Variants in CDH4 observed in about 807,000 individuals in gnomAD.
CDH4 encodes cadherin-4.
Under a neutral mutation model 86.0 loss-of-function variants are expected in CDH4, and 33 were observed. The observed-to-expected ratio is 0.38, with a 90% confidence interval of 0.29 to 0.51. The LOEUF (loss-of-function observed/expected upper bound fraction) is 0.51. Ranked by LOEUF, CDH4 falls within the 20% of genes least tolerant of loss-of-function variation. The probability of loss-of-function intolerance (pLI) is 0.86; values close to 1 mark genes in which losing one functional copy is unlikely to be tolerated. For missense variants in CDH4, 1,114 were observed against 1,307.4 expected, an observed-to-expected ratio of 0.85 and a Z score of 2.28; for synonymous variants, 555 against 549.4, an observed-to-expected ratio of 1.01 and a Z score of -0.14.
intron 2 of CDH4, among the ~76,000 whole-genome samples, chr20:61,418,641 A>G (rs2085160541): frequency 6.6e-6 from 1 of 152,140 alleles, no homozygotes; most frequent in Non-Finnish European, 1.5e-5. Context: ...TGGAGGAGTT[A>G]GTGTCCTGGA....
At chr20:61,599,493 C>G (rs1229611754) in intron 2 of CDH4, among the ~76,000 whole-genome samples, 1 of 152,264 alleles carries the variant, frequency 6.6e-6, no homozygotes, top group Non-Finnish European at 1.5e-5. Flanking sequence ...CCTGACCCCC[C>G]TGACCCCACT....
chr20:61,297,280 G>A (rs2084360519), intron 2 of CDH4, among the ~76,000 whole-genome samples: 1 of 152,192 alleles, frequency 6.6e-6, no homozygotes, highest in South Asian at 2.1e-4. Flanking sequence ...CAGCTACTCG[G>A]GAGGCTGAGG....
chr20:61,440,304 A>C (rs1387267583), intron 2 of CDH4, among the ~76,000 whole-genome samples: 3 of 152,198 alleles, frequency 2.0e-5, no homozygotes, highest in Non-Finnish European at 4.4e-5. Flanking sequence ...TCAGGATATT[A>C]GTAACATTCT....
intron 7 of CDH4, among the ~76,000 whole-genome samples, chr20:61,880,731 C>T (rs747521290): frequency 1.6e-4 from 24 of 152,204 alleles, no homozygotes; most frequent in Middle Eastern, 6.3e-3. Flanking sequence ...GAGGTTTGGG[C>T]GCGGTCCCCA....
At chr20:61,487,546 A>G (rs369975173) in intron 2 of CDH4, among the ~76,000 whole-genome samples, 3 of 152,224 alleles carry the variant, frequency 2.0e-5, no homozygotes, top group Non-Finnish European at 4.4e-5. Flanking sequence ...TTGTGTCTCA[A>G]CTTGCCCTTT....
At chr20:61,262,496 G>A (rs756605651) in intron 2 of CDH4, among the ~76,000 whole-genome samples, 71 of 152,178 alleles carry the variant, frequency 4.7e-4, no homozygotes, top group South Asian at 2.1e-4. Context: ...CTGGGACTGC[G>A]TGGCGACTGG....
intron 2 of CDH4, among the ~76,000 whole-genome samples, chr20:61,603,524 G>T (rs959602149): frequency 4.6e-5 from 7 of 152,212 alleles, no homozygotes; most frequent in African/African-American, 1.7e-4. Context: ...TGGAGGCCAG[G>T]TGTGCCCTAC....
intron 2 of CDH4, among the ~76,000 whole-genome samples, chr20:61,281,395 G>T (rs370087019): frequency 3.2e-4 from 49 of 152,322 alleles, no homozygotes; most frequent in African/African-American, 1.1e-3. Context: ...AGACACAGCA[G>T]GAAGGCACCA....
rs369392322 is a variant in CDH4, at chr20:61,504,854, C to T, written c.170-238709C>T. On this transcript the variant is annotated intron_variant, in intron 2 of 15. Transcript: ENST00000614565. Reference sequence around the variant, plus strand: ...AAAGCACACGCTCCGCTTCCATACCCGTACACGCGTCCTCATCACCTTCAC... The same window carrying T: ...AAAGCACACGCTCCGCTTCCATACCTGTACACGCGTCCTCATCACCTTCAC... 3.9e-5 allele frequency among the ~76,000 whole-genome samples: 6 copies of T among 152,346 alleles called. No homozygotes were observed. The East Asian group carries it at 9.6e-4, about 24-fold the overall frequency.
rs1051827309 is a variant in CDH4 at position 61,321,409 on chromosome 20, T to A, written c.169+66472T>A. 1.1e-4 allele frequency among the ~76,000 whole-genome samples: 16 copies of A among 152,252 alleles called. No individual in the cohort carries two copies. The South Asian group carries it at 1.7e-3, about 16-fold the overall frequency. On this transcript the variant is annotated intron_variant, in intron 2 of 15. Transcript: ENST00000614565. ...TGCTTTTTTGCTGGAAATTTTTTTT[T>A]AATTTTTGATGTCTTAAAAAATATA... is the stretch of plus-strand genomic sequence containing the variant.
At position 61,867,128 on chromosome 20, in the gene CDH4, G is replaced by A. The variant is rs890123576; in HGVS notation, c.878-6600G>A. Among the ~76,000 whole-genome samples the A allele has an allele frequency of 5.9e-5, 9 of 152,242 alleles. No homozygotes were observed. The South Asian group carries it at 6.2e-4, about 11-fold the overall frequency. On this transcript the variant is annotated intron_variant, in intron 6 of 15. Coordinates refer to ENST00000614565, the MANE Select transcript of CDH4 (RefSeq NM_001794.5). ...ACACACAGCTGTTTCCAGAACACTCGCTCTGGGCGCATGCATGTTTGACTC... is the reference window on the plus strand; with the variant it reads ...ACACACAGCTGTTTCCAGAACACTCACTCTGGGCGCATGCATGTTTGACTC...
chr20:61,521,339 C>T (rs753582852), intron 2 of CDH4, among the ~76,000 whole-genome samples: 15 of 152,164 alleles, frequency 9.9e-5, no homozygotes, highest in Non-Finnish European at 1.9e-4. Flanking sequence ...TCCAAAGCTC[C>T]ATCAAATGCA....
chr20:61,409,133 CCAT>C (rs1408479682), intron 2 of CDH4, among the ~76,000 whole-genome samples: 1 of 152,252 alleles, frequency 6.6e-6, no homozygotes, highest in Non-Finnish European at 1.5e-5. Context: ...ACCGGCCACT[CCAT>C]CACGTGGTGG....
At chr20:61,634,715 C>T (rs1223851876) in intron 2 of CDH4, among the ~76,000 whole-genome samples, 1 of 152,216 alleles carries the variant, frequency 6.6e-6, no homozygotes, top group African/African-American at 2.4e-5. Context: ...CAGAGCTCTG[C>T]GGCGTTAGTG....
intron 2 of CDH4, among the ~76,000 whole-genome samples, chr20:61,691,373 G>A (rs567044100): frequency 2.6e-5 from 4 of 152,120 alleles, no homozygotes; most frequent in Admixed American, 2.6e-4. Flanking sequence ...ATGTGCATAT[G>A]TGTGTGTATT....
At chr20:61,769,434 C>G (rs1298602692) in intron 3 of CDH4, among the ~76,000 whole-genome samples, 1 of 152,202 alleles carries the variant, frequency 6.6e-6, no homozygotes, top group Non-Finnish European at 1.5e-5. Context: ...CTGAGACCCC[C>G]TTTTCCCTTG....
At chr20:61,627,105 C>T (rs1478802422) in intron 2 of CDH4, among the ~76,000 whole-genome samples, 1 of 152,002 alleles carries the variant, frequency 6.6e-6, no homozygotes, top group Non-Finnish European at 1.5e-5. Context: ...GGCCTATCAG[C>T]TCAGCGGCTT....
At chr20:61,549,603 C>T (rs2086112650) in intron 2 of CDH4, among the ~76,000 whole-genome samples, 1 of 152,290 alleles carries the variant, frequency 6.6e-6, no homozygotes. Flanking sequence ...CATGAGGGCT[C>T]GCAGCCTCTT....
chr20:61,553,288 A>G (rs2086148317), intron 2 of CDH4, among the ~76,000 whole-genome samples: 1 of 152,234 alleles, frequency 6.6e-6, no homozygotes, highest in Non-Finnish European at 1.5e-5. Flanking sequence ...GGAGAAGGGG[A>G]AAATGGACAG....
Sources: allele counts gnomAD v4.1 joint callset (sites outside exome capture counted in the v4.1 genomes callset), GRCh38; gene constraint gnomAD v4.1.1; transcripts MANE v1.5; gene names NCBI Gene and HGNC (gene_info 2026-07-23, HGNC 2026-07-21).